Variants in CACNA1C observed in about 807,000 individuals in gnomAD.
The protein encoded by CACNA1C is voltage-dependent L-type calcium channel subunit alpha-1C.
CACNA1C carries 30 observed loss-of-function variants against 229.0 expected under a neutral mutation model. That is an observed-to-expected ratio of 0.13 (90% confidence interval 0.10 to 0.18). The LOEUF is 0.18. CACNA1C is among the 10% of genes least tolerant of loss of function. The probability of loss-of-function intolerance (pLI) is 1.00; values close to 1 mark genes in which losing one functional copy is unlikely to be tolerated. For synonymous variants in CACNA1C, 1,114 were observed against 1,132.5 expected (o/e 0.98, Z 0.33); for missense variants, 1,658 against 2,845.0 (o/e 0.58, Z 9.49).
chr12:2,288,879 G>T (rs954713308), intron 3 of CACNA1C: 13 of 152,156 alleles, frequency 8.5e-5, no homozygotes, highest in Admixed American at 8.5e-4. Flanking sequence ...CAATGTAAAT[G>T]GTGGGGCAAC....
chr12:2,100,483 A>G (rs1247716722), intron 1 of CACNA1C, among the ~76,000 whole-genome samples: 1 of 148,536 alleles, frequency 6.7e-6, no homozygotes, highest in East Asian at 2.0e-4. Context: ...AAAAAAACAA[A>G]AAAAAAAAAC....
At chr12:2,361,017 G>A (rs968243032) in intron 3 of CACNA1C, among the ~76,000 whole-genome samples, 1 of 151,924 alleles carries the variant, frequency 6.6e-6, no homozygotes, top group Admixed American at 6.6e-5. Context: ...CTGTTCTTTG[G>A]CCTCAGAACA....
At chr12:2,262,119 G>A (rs1045369050) in intron 3 of CACNA1C, among the ~76,000 whole-genome samples, 1 of 152,230 alleles carries the variant, frequency 6.6e-6, no homozygotes, top group Non-Finnish European at 1.5e-5. Flanking sequence ...AGGACTCACA[G>A]TTGCTGGGGC....
At chr12:1,995,866 C>T (rs111403986) in intron 1 of CACNA1C, among the ~76,000 whole-genome samples, 4,167 of 152,260 alleles carry the variant, frequency 0.027, 96 homozygotes, top group Middle Eastern at 0.054. Context: ...CAACTCTAAA[C>T]CATCTCCAGC....
At chr12:2,240,795 C>T (rs1473541854) in intron 3 of CACNA1C, among the ~76,000 whole-genome samples, 1 of 151,968 alleles carries the variant, frequency 6.6e-6, no homozygotes, top group Non-Finnish European at 1.5e-5. Flanking sequence ...TTTTCCTTGC[C>T]CTCTCCCCCA....
intron 11 of CACNA1C, among the ~76,000 whole-genome samples, chr12:2,564,220 C>A (rs559405272): frequency 2.6e-5 from 4 of 152,128 alleles, no homozygotes; most frequent in African/African-American, 9.7e-5. Flanking sequence ...AGTTTCCTTA[C>A]GATATGATAC....
chr12:2,538,653 T>A (rs1244167610), intron 9 of CACNA1C, among the ~76,000 whole-genome samples: 1 of 152,208 alleles, frequency 6.6e-6, no homozygotes, highest in Non-Finnish European at 1.5e-5. Flanking sequence ...ACTGTCTTTG[T>A]TGTTTTTCCT....
chr12:2,443,855 G>C (rs1027888908), intron 3 of CACNA1C, among the ~76,000 whole-genome samples: 2 of 152,154 alleles, frequency 1.3e-5, no homozygotes, highest in Non-Finnish European at 2.9e-5. Context: ...AAGCTGTCTT[G>C]CTTGTTTTTG....
At chr12:2,580,093 C>A (rs1369299078) in intron 13 of CACNA1C, among the ~76,000 whole-genome samples, 2 of 152,178 alleles carry the variant, frequency 1.3e-5, no homozygotes, top group African/African-American at 4.8e-5. Flanking sequence ...AGTTGGGAAG[C>A]TGGAGGGGGA....
In CACNA1C at chr12:2,115,254, A is replaced by T; in HGVS notation, c.80A>T (p.His27Leu). The T allele has an allele frequency of 6.3e-7, 1 of 1,589,610 alleles. No individual in the cohort carries two copies. ...AACTATGGGAGCCCACGCCCCGCCC[A>T]TGCCAACATGAATGCCAATGCGGCA... ...GSNYGSPRPAHANMNANAAAG... is the reference protein window; with the variant it reads ...GSNYGSPRPALANMNANAAAG... The change falls in exon 2 of 47, where the codon CAT becomes CTT. Residue 27 changes from histidine to leucine, a missense_variant. Physicochemically the swap from His to Leu is moderately conservative, Grantham distance 99. Around this residue, in one of 20 missense-constraint regions of CACNA1C, gnomAD observed 111 missense variants for 128.0 expected, o/e 0.87. Transcript: ENST00000399655.
intron 1 of CACNA1C, among the ~76,000 whole-genome samples, chr12:2,064,550 C>T (rs1421341459): frequency 2.6e-5 from 4 of 152,174 alleles, no homozygotes; most frequent in African/African-American, 4.8e-5. Context: ...AAAGCAGCTT[C>T]CCAGGGCTCT....
rs1362164880 is a variant in CACNA1C at position 2,682,752 on chromosome 12, G to A, written c.5573+74G>A. 4 of 1,483,960 alleles carry A rather than the reference G, an allele frequency of 2.7e-6. No homozygotes were observed. The African/African-American group carries it at 6.0e-5, about 22-fold the overall frequency. 91.9% of individuals were successfully genotyped at this position (1,483,960 alleles called of 1,614,324 possible). A position where few individuals can be genotyped will look rare whatever the true frequency, so the allele number is the denominator to read the frequency against. On this transcript the variant is annotated intron_variant, in intron 43 of 46. Transcript: ENST00000399655. Reference sequence around the variant, plus strand: ...TGTGGGGAGGCAGAGGCAGGTCCCTGAGATCCCTCCTCTGGGGCTGATTGC... The same window carrying A: ...TGTGGGGAGGCAGAGGCAGGTCCCTAAGATCCCTCCTCTGGGGCTGATTGC...
chr12:2,610,757 G>A, intron 28 of CACNA1C, 58 bp downstream of exon 28: 1 of 1,585,702 alleles, frequency 6.3e-7, no homozygotes, highest in Admixed American at 1.7e-5. Flanking sequence ...CCATGGGGAT[G>A]GAAAGTGTAA....
At position 2,354,777 on chromosome 12, in the gene CACNA1C, G is replaced by A. The variant is rs575204849; in HGVS notation, c.478-94199G>A. Among the ~76,000 whole-genome samples the A allele has an allele frequency of 6.6e-6, 1 of 152,292 alleles. No individual in the cohort carries two copies. Among genetic ancestry groups the A allele is most frequent in the East Asian group, 1.9e-4 (1 of 5,170 alleles). ...TGCCTTCTCCAGACACGGCAAGACT[G>A]GCCTTGACTTCTGGTTCCATTCTCG... On this transcript the variant is annotated intron_variant, in intron 3 of 46. Coordinates refer to ENST00000399655, the MANE Select transcript of CACNA1C (RefSeq NM_000719.7). This position sits in a 1 kb window ranked among gnomAD's most constrained non-coding sequence, Gnocchi z 4.6.
chr12:2,544,433 G>A (rs1177595958), intron 9 of CACNA1C, among the ~76,000 whole-genome samples: 1 of 152,210 alleles, frequency 6.6e-6, no homozygotes, highest in African/African-American at 2.4e-5. Flanking sequence ...GTTCAGCAGG[G>A]CACATGTTTC....
At chr12:2,296,583 C>A (rs914226934) in intron 3 of CACNA1C, among the ~76,000 whole-genome samples, 2 of 152,202 alleles carry the variant, frequency 1.3e-5, no homozygotes, top group African/African-American at 2.4e-5. Flanking sequence ...CATGGGACCA[C>A]CACCACCTCC....
chr12:2,091,635 A>T (rs1466515272), intron 1 of CACNA1C, among the ~76,000 whole-genome samples: 2 of 152,188 alleles, frequency 1.3e-5, no homozygotes, highest in African/African-American at 4.8e-5. Flanking sequence ...CAACATCCTT[A>T]ACTTAATCAC....
intron 3 of CACNA1C, among the ~76,000 whole-genome samples, chr12:2,131,771 T>C (rs1044144523): frequency 1.3e-5 from 2 of 150,372 alleles, no homozygotes; most frequent in Admixed American, 6.6e-5. Context: ...TGGCTTAGGA[T>C]TGACTTGGCA....
intron 3 of CACNA1C, among the ~76,000 whole-genome samples, chr12:2,343,386 C>T (rs1199775223): frequency 2.0e-5 from 3 of 152,208 alleles, no homozygotes; most frequent in East Asian, 1.9e-4. Context: ...GGTAACAGAT[C>T]GAATTGCCAG....
Sources: allele counts gnomAD v4.1 joint callset (sites outside exome capture counted in the v4.1 genomes callset), GRCh38; gene constraint gnomAD v4.1.1; regional missense constraint gnomAD v4.1.1; non-coding constraint Gnocchi (gnomAD v3.1); transcripts MANE v1.5; gene names NCBI Gene and HGNC (gene_info 2026-07-23, HGNC 2026-07-21).